NKIRAS1: variants seen among roughly 807,000 people sequenced by gnomAD.
NKIRAS1 encodes NF-kappa-B inhibitor-interacting Ras-like protein 1.
NKIRAS1 carries 16 observed loss-of-function variants against 19.8 expected under a neutral mutation model. The ratio of observed to expected loss-of-function variants is 0.81; its 90% CI spans 0.55 to 1.23. NKIRAS1 has a LOEUF of 1.23. NKIRAS1 is among the 50% of genes most tolerant of loss of function. NKIRAS1 has a pLI of 0.00. For missense variants in NKIRAS1, 184 were observed against 220.0 expected, an observed-to-expected ratio of 0.84 and a Z score of 1.04; for synonymous variants, 88 against 79.0, an observed-to-expected ratio of 1.11 and a Z score of -0.61.
At chr3:23,915,628 C>T (rs1704284786) in intron 1 of NKIRAS1, among the ~76,000 whole-genome samples, 1 of 152,136 alleles carries the variant, frequency 6.6e-6, no homozygotes, top group African/African-American at 2.4e-5. Context: ...CAATGAAATC[C>T]AAAGTCCATG....
chr3:23,916,074 G>A (rs1175219108), intron 1 of NKIRAS1: 1 of 152,050 alleles, frequency 6.6e-6, no homozygotes, highest in Non-Finnish European at 1.5e-5. Flanking sequence ...ATCAATCAAT[G>A]AACCAGATAG....
At chr3:23,918,960 A>G (rs1704895207), upstream of NKIRAS1, 5 of 561,538 alleles carry the variant, frequency 8.9e-6, no homozygotes, top group Non-Finnish European at 1.6e-5. Flanking sequence ...TTCCTGCCCT[A>G]GTCAGGAATG....
chr3:23,900,645 AAAAAAAAAAAAAG>A (rs1251147667), intron 4 of NKIRAS1, among the ~76,000 whole-genome samples, 150 bp downstream of exon 4: 2 of 149,110 alleles, frequency 1.3e-5, no homozygotes, highest in Non-Finnish European at 3.0e-5. Flanking sequence ...CCGTCTCAAA[AAAAAAAAAAAAAG>A]AAAAAGAAAA....
At chr3:23,918,242 G>T, upstream of NKIRAS1, 1 of 911,420 alleles carries the variant, frequency 1.1e-6, no homozygotes, top group Non-Finnish European at 1.6e-6. Flanking sequence ...TCAGACTAAA[G>T]CAAAATAAAC....
upstream of NKIRAS1, chr3:23,921,956 T>C: frequency 4.3e-6 from 1 of 233,168 alleles, no homozygotes; most frequent in Non-Finnish European, 8.3e-6. Flanking sequence ...CAATCCTGCC[T>C]TGGCCTCCCA....
chr3:23,908,415 A>G (rs1161378060), intron 3 of NKIRAS1, among the ~76,000 whole-genome samples: 2 of 152,224 alleles, frequency 1.3e-5, no homozygotes, highest in African/African-American at 4.8e-5. Context: ...TACCTTTTCC[A>G]ACTACATATC....
Position 23,893,025 on chromosome 3 carries a change from T to C in NKIRAS1, c.*70A>G. 3 of 1,455,810 alleles carry C rather than the reference T, an allele frequency of 2.1e-6. No individual in the cohort carries two copies. The highest frequency in any genetic ancestry group is 1.8e-6 in the Non-Finnish European group (2 of 1,095,018). 90.2% of individuals were successfully genotyped at this position (1,455,810 alleles called of 1,614,324 possible). ...ACAAATGGCCTATTTTAAATAGTAA[T>C]ATTACTCCATGTTCACAGACACTTA... is the stretch of plus-strand genomic sequence containing the variant. On this transcript the variant is annotated 3_prime_UTR_variant, in exon 5 of 5. Coordinates refer to ENST00000425478, the MANE Select transcript of NKIRAS1 (RefSeq NM_020345.4).
rs116766486 is a variant in NKIRAS1, at chr3:23,942,300, A to T, written c.-140+4023T>A. Among the ~76,000 whole-genome samples, 556 of 152,114 alleles carry T rather than the reference A, an allele frequency of 3.7e-3. 3 individuals are homozygous for T. Among genetic ancestry groups the T allele is most frequent in the African/African-American group, 0.013 (522 of 41,512 alleles). On this transcript the variant is annotated intron_variant, in intron 1 of 4. Coordinates refer to the NKIRAS1 transcript ENST00000421515. Reference sequence around the variant, plus strand: ...GGCCTAGAGCAGTACTGTGAACTTCAGAGTTCCCAAGCACCTCCTGCCTCC... The same window carrying T: ...GGCCTAGAGCAGTACTGTGAACTTCTGAGTTCCCAAGCACCTCCTGCCTCC...
chr3:23,941,376 T>C (rs963784175), intron 1 of NKIRAS1, among the ~76,000 whole-genome samples: 1 of 152,234 alleles, frequency 6.6e-6, no homozygotes, highest in African/African-American at 2.4e-5. Context: ...TTGTGTTGTT[T>C]TGCAGGCTCT....
chr3:23,893,290 T>C lies in NKIRAS1; in HGVS notation c.384A>G (p.Arg128=), dbSNP rs750046063. ...LGNKIDLSEQ[R]QVDAEVAQQW... is the part of the protein sequence containing the mutation. Reference sequence around the variant, plus strand: ...GCTGTGCCACTTCAGCGTCCACTTGTCTCTGCTCAGAAAGGTCGATTTTGT... The same window carrying C: ...GCTGTGCCACTTCAGCGTCCACTTGCCTCTGCTCAGAAAGGTCGATTTTGT... The change falls in exon 5 of 5, where the codon AGA becomes AGG. Residue 128 remains arginine, a synonymous_variant. Transcript: ENST00000425478. 6.2e-7 allele frequency: 1 copy of C among 1,613,992 alleles called. No individual in the cohort carries two copies. Among genetic ancestry groups the C allele is most frequent in the South Asian group, 1.1e-5 (1 of 91,070 alleles).
At chr3:23,943,925 G>A (rs1705560264) in intron 1 of NKIRAS1, among the ~76,000 whole-genome samples, 1 of 151,994 alleles carries the variant, frequency 6.6e-6, no homozygotes, top group Non-Finnish European at 1.5e-5. Context: ...GCCATTGGAG[G>A]GTTTTCAGCA....
chr3:23,896,791 TAAC>T lies in NKIRAS1; in HGVS notation c.337-3457_337-3455del, dbSNP rs368717635. ...GAGTTCAAGACTAGCCTGAACAACATAACAACACCTGTCTCTACAATTAAAAAA... is the reference window on the plus strand; with the variant it reads ...GAGTTCAAGACTAGCCTGAACAACATAACACCTGTCTCTACAATTAAAAAA... On this transcript the variant is annotated intron_variant, in intron 4 of 4. Transcript: ENST00000425478. 3.6e-3 allele frequency among the ~76,000 whole-genome samples: 534 copies of T among 148,266 alleles called. 4 individuals are homozygous for T. The highest frequency in any genetic ancestry group is 0.013 in the African/African-American group (506 of 39,976).
At chr3:23,895,930 T>C (rs973636543) in intron 4 of NKIRAS1, among the ~76,000 whole-genome samples, 6 of 151,974 alleles carry the variant, frequency 3.9e-5, no homozygotes, top group African/African-American at 9.6e-5. Flanking sequence ...GTCAGGAGAT[T>C]GAGACCATCC....
chr3:23,920,177 T>TAA, upstream of NKIRAS1: 2 of 985,810 alleles, frequency 2.0e-6, no homozygotes, highest in Non-Finnish European at 1.2e-6. Flanking sequence ...ATTAGATAAA[T>TAA]ACCTTTCAAG....
At chr3:23,908,710 C>T (rs1354905368) in intron 3 of NKIRAS1, among the ~76,000 whole-genome samples, 1 of 151,990 alleles carries the variant, frequency 6.6e-6, no homozygotes, top group East Asian at 1.9e-4. Context: ...GACAGGGTCT[C>T]CTAAGTTGGA....
Position 23,890,681 on chromosome 3 carries a change from A to C in NKIRAS1, c.*2414T>G. On this transcript the variant is annotated 3_prime_UTR_variant, in exon 5 of 5. Coordinates refer to ENST00000425478, the MANE Select transcript of NKIRAS1 (RefSeq NM_020345.4). ...GCTTATGATTTTGAAGGGGTCAGGG[A>C]GGGTGGGAGTTGGTAAAGAGTAGGG... 6.7e-6 allele frequency: 4 copies of C among 595,716 alleles called. No homozygotes were observed. Among genetic ancestry groups the C allele is most frequent in the Non-Finnish European group, 1.2e-5 (4 of 345,502 alleles). 36.9% of individuals were successfully genotyped at this position (595,716 alleles called of 1,614,324 possible). A position where few individuals can be genotyped will look rare whatever the true frequency, so the allele number is the denominator to read the frequency against.
upstream of NKIRAS1, chr3:23,920,560 C>G: frequency 1.0e-6 from 1 of 985,278 alleles, no homozygotes; most frequent in Non-Finnish European, 1.2e-6. Context: ...TACTGTTGTC[C>G]AGGGTCAATT....
chr3:23,918,966 G>C (rs565248967), upstream of NKIRAS1: 1 of 569,642 alleles, frequency 1.8e-6, no homozygotes, highest in Non-Finnish European at 3.1e-6. Context: ...CCCTAGTCAG[G>C]AATGGAGTAT....
At chr3:23,920,949 T>A (rs1341808740), upstream of NKIRAS1, 1 of 170,858 alleles carries the variant, frequency 5.9e-6, no homozygotes, top group African/African-American at 2.4e-5. Context: ...ATTATAGAAA[T>A]AATATAATTT....
Sources: gnomAD v4.1 joint callset for allele counts (sites outside exome capture counted in the v4.1 genomes callset) on GRCh38, gnomAD v4.1.1 for gene constraint, MANE v1.5 for transcripts, NCBI Gene and HGNC (gene_info 2026-07-23, HGNC 2026-07-21) for gene names.